The following MAGI1 variants were observed in gnomAD, a reference collection of about 807,000 sequenced individuals.
MAGI1 encodes membrane-associated guanylate kinase, WW and PDZ domain-containing protein 1.
In MAGI1, 58 loss-of-function variants were observed where a neutral mutation model predicts 139.9. The ratio of observed to expected loss-of-function variants is 0.41; its 90% confidence interval spans 0.34 to 0.52. MAGI1 has a LOEUF of 0.52. Ranked by LOEUF, MAGI1 falls within the 20% of genes least tolerant of loss-of-function variation. The pLI is 0.12. For synonymous variants in MAGI1, 812 were observed against 737.9 expected, an observed-to-expected ratio of 1.10 and a Z score of -1.63; for missense variants, 1,874 against 1,901.6, an observed-to-expected ratio of 0.99 and a Z score of 0.27.
chr3:65,809,430 T>C (rs774513295), intron 1 of MAGI1, among the ~76,000 whole-genome samples: 6 of 152,190 alleles, frequency 3.9e-5, no homozygotes, highest in Non-Finnish European at 8.8e-5. Flanking sequence ...TTCAAGTTCC[T>C]ATAGAAATAA....
At chr3:65,460,598 C>T (rs774663345) in intron 5 of MAGI1, among the ~76,000 whole-genome samples, 16 of 151,942 alleles carry the variant, frequency 1.1e-4, no homozygotes, top group Non-Finnish European at 2.2e-4. Context: ...GCAGAACATG[C>T]AGATTTGTTA....
At chr3:65,503,964 G>A (rs1471123285) in intron 2 of MAGI1, among the ~76,000 whole-genome samples, 1 of 152,080 alleles carries the variant, frequency 6.6e-6, no homozygotes, top group African/African-American at 2.4e-5. Context: ...TACCTTTCAA[G>A]GAGATCCACA....
intron 8 of MAGI1, among the ~76,000 whole-genome samples, chr3:65,441,190 A>T (rs1304798338): frequency 6.6e-6 from 1 of 152,010 alleles, no homozygotes; most frequent in African/African-American, 2.4e-5. Context: ...CGAACTCCTG[A>T]CCTCAAGTGA....
Position 65,357,134 on chromosome 3 carries a change from T to C in MAGI1, c.3635-2A>G. ...GGCCGTGGCGGTCGCTGCTGGGGTCTGCCAGGAAAATAAACGAGAGCAACA... is the reference window on the plus strand; with the variant it reads ...GGCCGTGGCGGTCGCTGCTGGGGTCCGCCAGGAAAATAAACGAGAGCAACA... On this transcript the variant is annotated splice_acceptor_variant, in intron 22 of 22. Transcript: ENST00000402939. LOFTEE classifies it high-confidence loss of function. The C allele has an allele frequency of 1.9e-6, 3 of 1,602,720 alleles. No homozygotes were observed. Among genetic ancestry groups the C allele is most frequent in the Non-Finnish European group, 1.7e-6 (2 of 1,173,676 alleles).
intron 1 of MAGI1, among the ~76,000 whole-genome samples, chr3:66,001,500 T>C (rs2066737264): frequency 6.6e-6 from 1 of 152,076 alleles, no homozygotes; most frequent in Non-Finnish European, 1.5e-5. Flanking sequence ...AAATCTAAAA[T>C]GTAAACACTT....
rs546904319 is a variant in MAGI1 at position 65,985,644 on chromosome 3, G to T, written c.313+52352C>A. ...ACTTTGAAAACTTAAAATAAACATCGTTTCCAGTATTTGATGGTTTATTTA... is the reference window on the plus strand; with the variant it reads ...ACTTTGAAAACTTAAAATAAACATCTTTTCCAGTATTTGATGGTTTATTTA... On this transcript the variant is annotated intron_variant, in intron 1 of 22. Transcript: ENST00000402939. Among the ~76,000 whole-genome samples, 16 of 152,184 alleles carry T rather than the reference G, an allele frequency of 1.1e-4. No homozygotes were observed. The South Asian group carries it at 3.3e-3, about 32-fold the overall frequency.
At chr3:65,568,648 C>T (rs146285623) in intron 2 of MAGI1, among the ~76,000 whole-genome samples, 17 of 152,276 alleles carry the variant, frequency 1.1e-4, no homozygotes, top group African/African-American at 4.1e-4. Context: ...TGGGCAAAAC[C>T]TTGTGCAGGG....
chr3:65,725,547 G>A (rs575690301), intron 1 of MAGI1, among the ~76,000 whole-genome samples: 13 of 152,232 alleles, frequency 8.5e-5, no homozygotes, highest in East Asian at 3.9e-4. Flanking sequence ...GCTGGGGCTC[G>A]ACAACTTGGT....
At chr3:65,440,138 T>C in intron 8 of MAGI1, 126 bp from the exon 9 acceptor site, 1 of 1,029,366 alleles carries the variant, frequency 9.7e-7, no homozygotes, top group Non-Finnish European at 1.5e-6. Context: ...CCCTCGTGTG[T>C]TAAAATGCTC....
intron 1 of MAGI1, among the ~76,000 whole-genome samples, chr3:65,876,633 C>T (rs2060128530): frequency 6.6e-6 from 1 of 152,024 alleles, no homozygotes; most frequent in Non-Finnish European, 1.5e-5. Flanking sequence ...AAAGGTGGTG[C>T]CCTCTGTGAT....
chr3:65,644,776 T>A (rs2107266984), intron 1 of MAGI1, among the ~76,000 whole-genome samples: 1 of 152,068 alleles, frequency 6.6e-6, no homozygotes, highest in East Asian at 1.9e-4. Context: ...GGCAGATGGA[T>A]CACTGAGGTC....
Position 66,003,130 on chromosome 3 carries a change from C to A in MAGI1, c.313+34866G>T, listed in dbSNP as rs946780877. Among the ~76,000 whole-genome samples, 8 of 152,116 alleles carry A rather than the reference C, an allele frequency of 5.3e-5. 1 individual carries two copies. Among genetic ancestry groups the A allele is most frequent in the African/African-American group, 1.7e-4 (7 of 41,370 alleles). ...AGAGATAACTTTGATACCTGTAAGA[C>A]TGTGAAGATGAACAGGGCAGTTGGT... On this transcript the variant is annotated intron_variant, in intron 1 of 22. Transcript: ENST00000402939.
intron 1 of MAGI1, among the ~76,000 whole-genome samples, chr3:65,734,720 C>T (rs1479460940): frequency 2.0e-5 from 3 of 151,904 alleles, no homozygotes; most frequent in Admixed American, 2.0e-4. Context: ...CTGAAGGAAG[C>T]AGAGTTGTTA....
intron 1 of MAGI1, among the ~76,000 whole-genome samples, chr3:65,724,851 C>G (rs1215060758): frequency 1.3e-5 from 2 of 152,132 alleles, no homozygotes; most frequent in Non-Finnish European, 2.9e-5. Flanking sequence ...AGAACTCACT[C>G]ACTATCATGA....
At chr3:65,393,301 A>C (rs1280998425) in intron 13 of MAGI1, among the ~76,000 whole-genome samples, 1 of 152,220 alleles carries the variant, frequency 6.6e-6, no homozygotes, top group African/African-American at 2.4e-5. Flanking sequence ...TCTTGATTAT[A>C]AACAACCATG....
rs2078305694 is a variant in MAGI1 at position 65,524,640 on chromosome 3, G to T, written c.431-31009C>A. Among the ~76,000 whole-genome samples the T allele has an allele frequency of 1.3e-5, 2 of 152,184 alleles. 1 individual carries two copies. Among genetic ancestry groups the T allele is most frequent in the South Asian group, 4.1e-4 (2 of 4,822 alleles). On this transcript the variant is annotated intron_variant, in intron 2 of 22. Transcript: ENST00000402939. The stretch of plus-strand genomic sequence containing the variant: ...ACAAAGTGTCAACACATCCTACTCT[G>T]CTGCCCTGGTGTGTGAGTCTGAAAA...
At chr3:65,640,482 G>A (rs1385421822) in intron 1 of MAGI1, among the ~76,000 whole-genome samples, 1 of 151,924 alleles carries the variant, frequency 6.6e-6, no homozygotes, top group Non-Finnish European at 1.5e-5. Flanking sequence ...TTTCCCTCAG[G>A]TGTCCTCCAC....
At chr3:65,913,839 C>T (rs181265844) in intron 1 of MAGI1, among the ~76,000 whole-genome samples, 9 of 152,188 alleles carry the variant, frequency 5.9e-5, no homozygotes, top group Admixed American at 5.9e-4. Flanking sequence ...GAGTAGAGTA[C>T]CATGGAGGAA....
chr3:65,849,915 A>G (rs571448106), intron 1 of MAGI1, among the ~76,000 whole-genome samples: 3 of 152,324 alleles, frequency 2.0e-5, no homozygotes, highest in Admixed American at 6.5e-5. Context: ...TCTAGATTCA[A>G]CTTTAAACTG....
Sources: gnomAD v4.1 joint callset for allele counts (sites outside exome capture counted in the v4.1 genomes callset) on GRCh38, gnomAD v4.1.1 for gene constraint, MANE v1.5 for transcripts, NCBI Gene and HGNC (gene_info 2026-07-23, HGNC 2026-07-21) for gene names.